Variants in ARHGAP33 observed in about 807,000 individuals in gnomAD.
ARHGAP33 encodes the protein rho GTPase-activating protein 33.
ARHGAP33 carries 57 observed loss-of-function variants against 126.2 expected under a neutral mutation model. The observed-to-expected ratio is 0.45, with a 90% CI of 0.36 to 0.56. ARHGAP33 has a LOEUF of 0.56. Ranked by LOEUF, ARHGAP33 falls within the 20% of genes least tolerant of loss-of-function variation. The probability of loss-of-function intolerance (pLI) is 0.00; values close to 1 mark genes in which losing one functional copy is unlikely to be tolerated. For missense variants in ARHGAP33, 1,500 were observed against 1,748.3 expected (o/e 0.86, Z 2.53); for synonymous variants, 711 against 755.0 (o/e 0.94, Z 0.95).
chr19:35,786,667 G>A lies in ARHGAP33; in HGVS notation c.2197G>A (p.Glu733Lys). The part of the protein sequence containing the change: ...ELDFSPPRCL[E>K]GLRGLDFDPL... ...GGACTTCAGCCCACCCCGCTGCCTG[G>A]AGGGACTCCGGGGGCTGGACTTTGA... Residue 733 changes from glutamate to lysine, a missense_variant, in exon 20 of 21, where the codon GAG (glutamate) becomes AAG (lysine). By Grantham distance (56) the Glu-to-Lys change is moderately conservative. Around this residue, in one of 6 missense-constraint regions of ARHGAP33, gnomAD observed 300 missense variants for 291.1 expected, o/e 1.03. Transcript: ENST00000007510. This position sits in a 1 kb window ranked among gnomAD's most constrained non-coding sequence, Gnocchi z 7.0. 6.5e-7 allele frequency: 1 copy of A among 1,535,762 alleles called. No individual in the cohort carries two copies. Among genetic ancestry groups the A allele is most frequent in the Non-Finnish European group, 8.7e-7 (1 of 1,146,774 alleles).
rs1329191700 is a variant in ARHGAP33, at chr19:35,782,931, GC to G, written c.1421+65del. On this transcript the variant is annotated intron_variant, in intron 15 of 20. Coordinates refer to ENST00000007510, the MANE Select transcript of ARHGAP33 (RefSeq NM_001366178.1). The surrounding 1 kb of genome is among the most constrained non-coding windows in gnomAD (Gnocchi z 4.1). ...TTCCCCAAAACCACCCCAGGAACCC[GC>G]CCAGCTTTTCTTTTGTTTATTCATC... 12 of 1,420,074 alleles carry G rather than the reference GC, an allele frequency of 8.5e-6. No individual in the cohort carries two copies. The Admixed American group carries it at 1.2e-4, about 14-fold the overall frequency. The allele number at this position is 1,420,074 out of a possible 1,614,324, so 88.0% of individuals were successfully genotyped here. A position where few individuals can be genotyped will look rare whatever the true frequency, so the allele number is the denominator to read the frequency against.
chr19:35,786,669 G>A lies in ARHGAP33; in HGVS notation c.2199G>A (p.Glu733=), dbSNP rs1333941811. The change falls in exon 20 of 21, where the codon GAG becomes GAA. Residue 733 remains glutamate, a synonymous_variant. Coordinates refer to ENST00000007510, the MANE Select transcript of ARHGAP33 (RefSeq NM_001366178.1). The surrounding 1 kb of genome is among the most constrained non-coding windows in gnomAD (Gnocchi z 7.0). ...ACTTCAGCCCACCCCGCTGCCTGGA[G>A]GGACTCCGGGGGCTGGACTTTGATC... is the stretch of plus-strand genomic sequence containing the variant. ...ELDFSPPRCL[E]GLRGLDFDPL... The A allele has an allele frequency of 6.5e-7, 1 of 1,535,762 alleles. No individual in the cohort carries two copies.
chr19:35,787,498 G>A lies in ARHGAP33; in HGVS notation c.2933G>A (p.Ser978Asn), dbSNP rs757034103. ...TTACCAAGGCAACAAAGTGATGGGA[G>A]CCTGCTGAGGAGCCAGCGGCCCATG... ...PYLPRQQSDG[S>N]LLRSQRPMGT... Residue 978 changes from serine to asparagine, a missense_variant, in exon 21 of 21, where the codon AGC becomes AAC. Coordinates refer to ENST00000007510, the MANE Select transcript of ARHGAP33 (RefSeq NM_001366178.1). 1.2e-6 allele frequency: 2 copies of A among 1,612,314 alleles called. No homozygotes were observed. Among genetic ancestry groups the A allele is most frequent in the South Asian group, 2.2e-5 (2 of 91,076 alleles).
chr19:35,786,032 C>G lies in ARHGAP33; in HGVS notation c.1943-381C>G, dbSNP rs868179395. The G allele has an allele frequency of 7.7e-5, 88 of 1,145,968 alleles. No homozygotes were observed. The African/African-American group carries it at 1.2e-3, about 16-fold the overall frequency. 71.0% of individuals were successfully genotyped at this position (1,145,968 alleles called of 1,614,324 possible). ...GCCCGCCGCGCTGCTGGGTGCTGCT[C>G]TCCGACCTCTGCGGGGGGCTGCTTA... is the stretch of plus-strand genomic sequence containing the variant. On this transcript the variant is annotated intron_variant, in intron 19 of 20. Transcript: ENST00000007510. The surrounding 1 kb of genome is among the most constrained non-coding windows in gnomAD (Gnocchi z 7.0).
Position 35,778,273 on chromosome 19 carries a change from T to C in ARHGAP33, c.190-7T>C, listed in dbSNP as rs1457538052. On this transcript the variant is annotated splice_polypyrimidine_tract_variant and splice_region_variant and intron_variant, in intron 3 of 20. Coordinates refer to ENST00000007510, the MANE Select transcript of ARHGAP33 (RefSeq NM_001366178.1). ...AAGTCCACCTGGGCCTTGCTTTCCC[T>C]CTGCAGCTCCTGCTGTCTCCAGACC... 1 of 1,614,132 alleles carries C rather than the reference T, an allele frequency of 6.2e-7. No homozygotes were observed. Among genetic ancestry groups the C allele is most frequent in the Non-Finnish European group, 8.5e-7 (1 of 1,179,992 alleles).
At chr19:35,778,826 C>A in intron 5 of ARHGAP33, 2 of 826,080 alleles carry the variant, frequency 2.4e-6, no homozygotes, top group Non-Finnish European at 3.7e-6. Context: ...ATGGGAGGGT[C>A]ACCATGGTCA....
At chr19:35,784,620 C>A in intron 16 of ARHGAP33, 1 of 1,302,184 alleles carries the variant, frequency 7.7e-7, no homozygotes, top group Non-Finnish European at 9.7e-7. Context: ...AGACTTGACC[C>A]CGCCCCGGCC....
In ARHGAP33 at chr19:35,786,522, CGAGTCCTCCTCCTCT is replaced by C. The variant is rs765223339; in HGVS notation, c.2064_2078del (p.Glu690_Ser694del). On this transcript the variant is annotated inframe_deletion, in exon 20 of 21. Transcript: ENST00000007510. This position sits in a 1 kb window ranked among gnomAD's most constrained non-coding sequence, Gnocchi z 7.0. ...AGAGCCTGTCCTCGTCCTCCTCCTC[CGAGTCCTCCTCCTCT>C]GAGTCCTCCTCTTCCTCCTCTGAGT... The C allele has an allele frequency of 1.4e-5, 21 of 1,535,674 alleles. No individual in the cohort carries two copies. In the South Asian group the frequency reaches 1.4e-4, roughly 10 times the overall value.
In ARHGAP33 at chr19:35,778,493, C is replaced by T. The variant is rs138284683; in HGVS notation, c.300C>T (p.Tyr100=). 3.0e-5 allele frequency: 48 copies of T among 1,614,076 alleles called. No individual in the cohort carries two copies. Among genetic ancestry groups the T allele is most frequent in the African/African-American group, 1.9e-4 (14 of 74,930 alleles). ...GTTCCTGGCCGGTTCTCCGGAGTTACGATGACTTTCGTTCCCTGGATGCCC... is the reference window on the plus strand; with the variant it reads ...GTTCCTGGCCGGTTCTCCGGAGTTATGATGACTTTCGTTCCCTGGATGCCC... ...QGRSWPVLRS[Y]DDFRSLDAHL... Residue 100 remains tyrosine (Y), a synonymous_variant, in exon 5 of 21, where the codon TAC becomes TAT. Coordinates refer to ENST00000007510, the MANE Select transcript of ARHGAP33 (RefSeq NM_001366178.1).
chr19:35,782,327 G>A lies in ARHGAP33; in HGVS notation c.1086-46G>A, dbSNP rs774342876. The A allele has an allele frequency of 1.2e-5, 19 of 1,573,724 alleles. 1 individual carries two copies. The South Asian group carries it at 1.8e-4, about 15-fold the overall frequency. On this transcript the variant is annotated intron_variant, in intron 12 of 20. Transcript: ENST00000007510. This position sits in a 1 kb window ranked among gnomAD's most constrained non-coding sequence, Gnocchi z 4.1. ...AAGGGGAGCATGGCCACGTGAGCGAGCCCCTCTGACCTGGATCTTCCTCCT... is the reference window on the plus strand; with the variant it reads ...AAGGGGAGCATGGCCACGTGAGCGAACCCCTCTGACCTGGATCTTCCTCCT...
chr19:35,781,084 G>GGGGCCCCCC lies in ARHGAP33; in HGVS notation c.982+12_982+13insGGGCCCCCC. 1.5e-5 allele frequency: 24 copies of GGGGCCCCCC among 1,607,364 alleles called. No individual in the cohort carries two copies. The highest frequency in any genetic ancestry group is 3.3e-5 in the South Asian group (3 of 90,896). ...CTCAGGCCAGGATGGTGAGGCCGGG[G>GGGGCCCCCC]CCCACCCACCCCACCCGTCACACCA... is the stretch of plus-strand genomic sequence containing the variant. On this transcript the variant is annotated intron_variant, in intron 11 of 20. Coordinates refer to ENST00000007510, the MANE Select transcript of ARHGAP33 (RefSeq NM_001366178.1).
chr19:35,787,036 A>T lies in ARHGAP33; in HGVS notation c.2566A>T (p.Met856Leu). 2 of 1,608,298 alleles carry T rather than the reference A, an allele frequency of 1.2e-6. No homozygotes were observed. The highest frequency in any genetic ancestry group is 1.7e-6 in the Non-Finnish European group (2 of 1,177,196). ...GCTGACTGACGCCTGCCAGCAGGAG[A>T]TGTGCAGCAAGCTCCGGGGAGCCCA... ...APLTDACQQE[M>L]CSKLRGAQGP... Residue 856 changes from methionine to leucine, a missense_variant, in exon 20 of 21, where the codon ATG becomes TTG. Met to Leu is a conservative substitution (Grantham distance 15, BLOSUM62 2). Around this residue, in one of 6 missense-constraint regions of ARHGAP33, gnomAD observed 642 missense variants for 634.0 expected, o/e 1.01. Coordinates refer to ENST00000007510, the MANE Select transcript of ARHGAP33 (RefSeq NM_001366178.1).
rs1216307042 is a variant in ARHGAP33, at chr19:35,785,275, T to A, written c.1808T>A (p.Val603Asp). 6.3e-7 allele frequency: 1 copy of A among 1,598,014 alleles called. No homozygotes were observed. The highest frequency in any genetic ancestry group is 1.8e-5 in the Admixed American group (1 of 56,024). The change falls in exon 18 of 21, where the codon GTC becomes GAC. Residue 603 changes from valine to aspartate, a missense_variant. Around this residue, in one of 6 missense-constraint regions of ARHGAP33, gnomAD observed 300 missense variants for 291.1 expected, o/e 1.03. Coordinates refer to ENST00000007510, the MANE Select transcript of ARHGAP33 (RefSeq NM_001366178.1). The part of the protein sequence containing the change: ...TFFALGRGPS[V>D]PRKKPLPWLG... ...TTTGCACTGGGCCGGGGCCCCAGTG[T>A]CCCTCGAAAGAAGCCCCTGCCCTGG...
At chr19:35,775,749 GC>G in intron 1 of ARHGAP33, 85 bp downstream of exon 1, 3 of 1,346,752 alleles carry the variant, frequency 2.2e-6, no homozygotes, top group Non-Finnish European at 3.0e-6. Flanking sequence ...CCCGCCCCCG[GC>G]CCCGCCCGAT....
rs756890892 is a variant in ARHGAP33 at position 35,787,758 on chromosome 19, C to T, written c.3193C>T (p.Pro1065Ser). The change falls in exon 21 of 21, where the codon CCA becomes TCA. Residue 1065 changes from proline (P) to serine (S), a missense_variant. Coordinates refer to ENST00000007510, the MANE Select transcript of ARHGAP33 (RefSeq NM_001366178.1). ...CCCCCCATCCTTCCAGCCCAGTTCC[C>T]CAGCCCCAGTCTGGAGGAGCTCTCT... ...LGPPSFQPSS[P>S]APVWRSSLGP... is the part of the protein sequence containing the mutation. The T allele has an allele frequency of 7.6e-6, 12 of 1,582,496 alleles. No homozygotes were observed. In the African/African-American group the frequency reaches 1.5e-4, roughly 20 times the overall value.
At position 35,787,675 on chromosome 19, in the gene ARHGAP33, C is replaced by G. The variant is rs1972194928; in HGVS notation, c.3110C>G (p.Pro1037Arg). 3.8e-6 allele frequency: 6 copies of G among 1,594,554 alleles called. No individual in the cohort carries two copies. Among genetic ancestry groups the G allele is most frequent in the Non-Finnish European group, 5.1e-6 (6 of 1,174,716 alleles). ...ACCCCCGGCTTCTTCTCCCCAGCCC[C>G]CAGGGAGTGCCTGCCACCCTTCCTC... The part of the protein sequence containing the change: ...VPTPGFFSPA[P>R]RECLPPFLGV... Residue 1037 changes from proline (P) to arginine (R), a missense_variant, in exon 21 of 21, where the codon CCC becomes CGC. This residue lies in a region of ARHGAP33 where 642 missense variants were observed against 634.0 expected (regional missense o/e 1.01). Transcript: ENST00000007510.
At chr19:35,781,774 C>T (rs1203613684) in intron 12 of ARHGAP33, among the ~76,000 whole-genome samples, 1 of 152,096 alleles carries the variant, frequency 6.6e-6, no homozygotes, top group Non-Finnish European at 1.5e-5. Flanking sequence ...CCCGTGCCAG[C>T]GCAGGCAAAG....
chr19:35,784,965 T>TCCC lies in ARHGAP33; in HGVS notation c.1582_1584dup (p.Pro528dup). 6.5e-7 allele frequency: 1 copy of TCCC among 1,541,988 alleles called. No homozygotes were observed. The highest frequency in any genetic ancestry group is 1.4e-5 in the African/African-American group (1 of 72,996). ...CCACACTCCCCAGGCCGCTGCCTGC[T>TCCC]CCCCAGGCCCAAGTCCCTTGCGGGC... On this transcript the variant is annotated inframe_insertion, in exon 17 of 21. Transcript: ENST00000007510.
At chr19:35,785,674 T>C in intron 19 of ARHGAP33, 191 bp downstream of exon 19, 3 of 1,428,868 alleles carry the variant, frequency 2.1e-6, no homozygotes, top group Non-Finnish European at 2.7e-6. Flanking sequence ...ACACTGAACT[T>C]AACTTACTCA....
Sources: gnomAD v4.1 joint callset for allele counts (sites outside exome capture counted in the v4.1 genomes callset) on GRCh38, gnomAD v4.1.1 for gene constraint, gnomAD v4.1.1 regional missense constraint, Gnocchi (gnomAD v3.1) non-coding constraint, MANE v1.5 for transcripts, NCBI Gene and HGNC (gene_info 2026-07-23, HGNC 2026-07-21) for gene names.